The following ABCA6 variants were observed in gnomAD, a reference collection of about 807,000 sequenced individuals.
ABCA6 encodes the protein ATP-binding cassette sub-family A member 6.
ABCA6 carries 164 observed loss-of-function variants against 191.2 expected under a neutral mutation model. The observed-to-expected ratio is 0.86, with a 90% confidence interval of 0.76 to 0.98. The LOEUF is 0.98. Among genes scored for constraint, ABCA6 ranks in the 50% least tolerant of loss-of-function variants. The probability of loss-of-function intolerance (pLI) is 0.00; values close to 1 mark genes in which losing one functional copy is unlikely to be tolerated. For missense variants in ABCA6, 1,958 were observed against 1,894.1 expected, an observed-to-expected ratio of 1.03 and a Z score of -0.63; for synonymous variants, 636 against 647.7, an observed-to-expected ratio of 0.98 and a Z score of 0.27.
At chr17:69,089,665 G>T in intron 26 of ABCA6, 123 bp from the exon 27 acceptor site, 1 of 760,732 alleles carries the variant, frequency 1.3e-6, no homozygotes, top group African/African-American at 1.8e-5. Flanking sequence ...TTCTTTGTGT[G>T]CACTAGTGAC....
At chr17:69,082,825 G>A (rs1364214374) in intron 36 of ABCA6, 48 bp downstream of exon 36, 2 of 1,607,966 alleles carry the variant, frequency 1.2e-6, no homozygotes, top group East Asian at 4.5e-5. Flanking sequence ...GGAAACCACT[G>A]AGTGGATAAA....
Position 69,140,625 on chromosome 17 carries a change from TC to T in ABCA6, c.78del (p.Met26IlefsTer15). 6.3e-7 allele frequency: 1 copy of T among 1,599,152 alleles called. No individual in the cohort carries two copies. Among genetic ancestry groups the T allele is most frequent in the Non-Finnish European group, 8.5e-7 (1 of 1,173,456 alleles). On this transcript the variant is annotated frameshift_variant, in exon 2 of 39. Transcript: ENST00000284425. LOFTEE classifies it high-confidence loss of function. Reference sequence around the variant, plus strand: ...AAACATACCAATAAGCTCTCTCTTTTCATCCTCCATTTCTTAAGAAAATTCT... The same window carrying T: ...AAACATACCAATAAGCTCTCTCTTTTATCCTCCATTTCTTAAGAAAATTCT... ...LCKNFLKKWR[M>X]KRESLLEWGL...
At chr17:69,128,827 A>G (rs1284703481) in intron 7 of ABCA6, 23 bp from the exon 8 acceptor site, 2 of 1,535,990 alleles carry the variant, frequency 1.3e-6, no homozygotes, top group Admixed American at 4.1e-5. Context: ...GAAGACATTC[A>G]GCTGTTATAA....
At chr17:69,083,145 G>A (rs2072682874) in intron 35 of ABCA6, 67 bp downstream of exon 35, 3 of 1,562,234 alleles carry the variant, frequency 1.9e-6, no homozygotes, top group Non-Finnish European at 2.6e-6. Context: ...CACACACAGG[G>A]ATTTTTGCCC....
At position 69,130,221 on chromosome 17, in the gene ABCA6, G is replaced by A. The variant is rs145976581; in HGVS notation, c.792-470C>T. ...AGTCCCAGCTACTCGGGAGGCTGAG[G>A]CAGAAAAATCGCTTGAACCTAGAAG... On this transcript the variant is annotated intron_variant, in intron 6 of 38. Transcript: ENST00000284425. 9.0e-3 allele frequency among the ~76,000 whole-genome samples: 1,374 copies of A among 152,088 alleles called. 12 individuals are homozygous for A. Among genetic ancestry groups the A allele is most frequent in the African/African-American group, 0.03 (1,262 of 41,482 alleles).
chr17:69,128,574 C>T, intron 8 of ABCA6, 45 bp downstream of exon 8: 1 of 1,500,436 alleles, frequency 6.7e-7, no homozygotes, highest in Non-Finnish European at 9.1e-7. Context: ...GAAGTATCTA[C>T]TTCTTTTGAA....
intron 17 of ABCA6, 164 bp downstream of exon 17, chr17:69,110,637 C>T: frequency 1.3e-6 from 1 of 744,476 alleles, no homozygotes; most frequent in Non-Finnish European, 2.1e-6. Context: ...CACGAAGCAA[C>T]TACCCAATAA....
At chr17:69,135,086 G>A in intron 4 of ABCA6, 1 of 232,308 alleles carries the variant, frequency 4.3e-6, no homozygotes, top group Non-Finnish European at 8.3e-6. Context: ...TCACCATGTT[G>A]GCCAGGCTGG....
At chr17:69,119,881 T>C (rs759944000) in intron 10 of ABCA6, among the ~76,000 whole-genome samples, 5 of 152,052 alleles carry the variant, frequency 3.3e-5, no homozygotes, top group Non-Finnish European at 5.9e-5. Flanking sequence ...TCAGAAAAGA[T>C]AAATAAAAGT....
At chr17:69,082,571 A>G (rs2072665148) in intron 36 of ABCA6, among the ~76,000 whole-genome samples, 1 of 152,142 alleles carries the variant, frequency 6.6e-6, no homozygotes, top group Admixed American at 6.6e-5. Context: ...GAAGGACACC[A>G]TTGTGGTCCT....
At chr17:69,125,185 G>A (rs886812198) in intron 8 of ABCA6, 150 bp from the exon 9 acceptor site, 1 of 347,362 alleles carries the variant, frequency 2.9e-6, no homozygotes, top group African/African-American at 2.1e-5. Context: ...AAAGGTATTG[G>A]TCAAAATATT....
intron 11 of ABCA6, among the ~76,000 whole-genome samples, chr17:69,117,019 T>C (rs1020137453): frequency 1.4e-4 from 21 of 152,068 alleles, no homozygotes; most frequent in African/African-American, 5.1e-4. Context: ...AATTTAAAAT[T>C]ATTTCAGTAT....
At chr17:69,113,411 A>G in intron 14 of ABCA6, 51 bp from the exon 15 acceptor site, 1 of 1,555,442 alleles carries the variant, frequency 6.4e-7, no homozygotes. Flanking sequence ...CATTAACTGT[A>G]TCCAGAAGAT....
intron 29 of ABCA6, among the ~76,000 whole-genome samples, chr17:69,087,031 C>T (rs768540081): frequency 9.9e-5 from 15 of 152,270 alleles, no homozygotes; most frequent in African/African-American, 3.1e-4. Context: ...TAGCATTCTT[C>T]GCATTCTTCG....
intron 24 of ABCA6, 105 bp from the exon 25 acceptor site, chr17:69,096,458 C>A (rs548502960): frequency 6.9e-4 from 568 of 820,972 alleles, no homozygotes; most frequent in Non-Finnish European, 8.7e-4. Context: ...AAGTATAAAA[C>A]ATCTTTGGTA....
chr17:69,091,523 C>CTTTTTTTTTTTTTTTTTTT (rs1196866549), intron 25 of ABCA6, among the ~76,000 whole-genome samples: 3 of 76,408 alleles, frequency 3.9e-5, no homozygotes, highest in African/African-American at 2.0e-4. Context: ...AAATAGACTT[C>CTTTTTTTTTTTTTTTTTTT]TTTTTTTTTT....
At position 69,129,623 on chromosome 17, in the gene ABCA6, T is replaced by C. The variant is rs1261173048; in HGVS notation, c.920A>G (p.Tyr307Cys). 7 of 1,593,224 alleles carry C rather than the reference T, an allele frequency of 4.4e-6. No homozygotes were observed. Among genetic ancestry groups the C allele is most frequent in the Non-Finnish European group, 6.0e-6 (7 of 1,170,066 alleles). The stretch of plus-strand genomic sequence containing the variant: ...GTATCAACTTACCAAAGATAAGCCA[T>C]ATAAAAAAAAGAGTATAAATATGAC... ...FMVIFILFFL[Y>C]GLSLVALVFL... The change falls in exon 7 of 39, where the codon TAT becomes TGT. Residue 307 changes from tyrosine to cysteine, a missense_variant. Tyr to Cys is a radical substitution (Grantham distance 194). Transcript: ENST00000284425.
chr17:69,118,934 TCACACA>T (rs752347265), intron 10 of ABCA6, among the ~76,000 whole-genome samples: 1 of 150,524 alleles, frequency 6.6e-6, no homozygotes, highest in African/African-American at 2.4e-5. Flanking sequence ...TCTGTCTCTC[TCACACA>T]CACACACACA....
intron 6 of ABCA6, among the ~76,000 whole-genome samples, chr17:69,131,993 A>G (rs2073871033): frequency 6.6e-6 from 1 of 152,132 alleles, no homozygotes; most frequent in South Asian, 2.1e-4. Flanking sequence ...TGTATTTCCC[A>G]AAGTTCCACT....
Sources: gnomAD v4.1 joint callset for allele counts (sites outside exome capture counted in the v4.1 genomes callset) on GRCh38, gnomAD v4.1.1 for gene constraint, MANE v1.5 for transcripts, NCBI Gene and HGNC (gene_info 2026-07-23, HGNC 2026-07-21) for gene names.